Variants in FAAH2 observed in about 807,000 individuals in gnomAD.
FAAH2 encodes the protein fatty acid amide hydrolase 2, also known as fatty-acid amide hydrolase 2.
Under a neutral mutation model 36.9 loss-of-function variants are expected in FAAH2, and 60 were observed. That is an observed-to-expected ratio of 1.63 (90% confidence interval 1.32 to 2.02). The LOEUF (loss-of-function observed/expected upper bound fraction) is 2.02. FAAH2 is among the 30% of genes most tolerant of loss of function. FAAH2 has a pLI of 0.00. For missense variants in FAAH2, 689 were observed against 397.5 expected (o/e 1.73, Z -6.23); for synonymous variants, 214 against 143.8 (o/e 1.49, Z -3.49).
At chrX:57,349,497 A>G (rs1304077996) in intron 5 of FAAH2, among the ~76,000 whole-genome samples, 4 of 102,438 alleles carry the variant, frequency 3.9e-5, no homozygotes, top group Non-Finnish European at 7.8e-5. Context: ...ATACACATAT[A>G]TACATATATA....
chrX:57,228,718 G>A, the FAAH2 span, among the ~76,000 whole-genome samples: 1 of 111,516 alleles, frequency 9.0e-6, no homozygotes, highest in African/African-American at 3.3e-5. Flanking sequence ...ATCAAACCAG[G>A]TTCGTCCAGC....
At chrX:57,282,377 G>C (rs762109377), upstream of FAAH2, among the ~76,000 whole-genome samples, 4 of 112,045 alleles carry the variant, frequency 3.6e-5, no homozygotes, top group South Asian at 1.5e-3. Context: ...CTTTTCAGAA[G>C]TGTCTGTTTA....
At chrX:57,337,556 C>A (rs932978026) in intron 4 of FAAH2, among the ~76,000 whole-genome samples, 2 of 111,846 alleles carry the variant, frequency 1.8e-5, no homozygotes, top group African/African-American at 6.5e-5. Context: ...AGCTTATACA[C>A]CATGAACAAA....
intron 5 of FAAH2, among the ~76,000 whole-genome samples, chrX:57,367,774 A>G (rs1317082912): frequency 8.9e-6 from 1 of 112,047 alleles, no homozygotes; most frequent in Non-Finnish European, 1.9e-5. Flanking sequence ...GCCCCTCTTA[A>G]GATCATGGAT....
At chrX:57,224,630 C>G in the FAAH2 span, among the ~76,000 whole-genome samples, 6 of 112,166 alleles carry the variant, frequency 5.3e-5, no homozygotes, top group Admixed American at 2.8e-4. Context: ...ACACGTACCC[C>G]TGAAGATCAA....
At chrX:57,131,565 A>G in the FAAH2 span, among the ~76,000 whole-genome samples, 1 of 111,784 alleles carries the variant, frequency 8.9e-6, no homozygotes, top group South Asian at 3.8e-4. Context: ...TATTAAATAC[A>G]AAGGGGATAT....
the FAAH2 span, among the ~76,000 whole-genome samples, chrX:57,204,665 C>T: frequency 8.9e-6 from 1 of 112,437 alleles, no homozygotes; most frequent in Non-Finnish European, 1.9e-5. Context: ...ACCAGTAGTT[C>T]TGCTTCTTTC....
chrX:57,195,290 A>G, the FAAH2 span, among the ~76,000 whole-genome samples: 2 of 111,491 alleles, frequency 1.8e-5, no homozygotes, highest in African/African-American at 6.5e-5. Context: ...TTAAATTTTT[A>G]AATTATCGCC....
intron 10 of FAAH2, among the ~76,000 whole-genome samples, chrX:57,478,971 G>T (rs936896056): frequency 9.0e-6 from 1 of 111,463 alleles, no homozygotes; most frequent in Non-Finnish European, 1.9e-5. Flanking sequence ...GGCAATGTGG[G>T]CTCTTTTTTG....
At chrX:57,488,606 A>G in intron 10 of FAAH2, 151 bp from the exon 11 acceptor site, 1 of 515,505 alleles carries the variant, frequency 1.9e-6, no homozygotes, top group Non-Finnish European at 3.0e-6. Flanking sequence ...AATATTTAAT[A>G]CAGATAAAGT....
At chrX:57,262,206 TAA>T in the FAAH2 span, among the ~76,000 whole-genome samples, 5 of 111,469 alleles carry the variant, frequency 4.5e-5, no homozygotes, top group Non-Finnish European at 9.4e-5. Flanking sequence ...AGGACCTGAG[TAA>T]TGACACATTG....
intron 7 of FAAH2, among the ~76,000 whole-genome samples, chrX:57,386,969 A>T (rs1384637498): frequency 7.1e-5 from 8 of 112,172 alleles, no homozygotes; most frequent in Non-Finnish European, 1.5e-4. Flanking sequence ...TAGGAGTTTC[A>T]TTTCATATTG....
the FAAH2 span, among the ~76,000 whole-genome samples, chrX:57,174,908 G>T: frequency 4.5e-5 from 5 of 111,669 alleles, no homozygotes; most frequent in African/African-American, 1.6e-4. Context: ...TGTTGGAATT[G>T]ATTTCTGCTT....
At chrX:57,301,176 A>G (rs1402406394) in intron 2 of FAAH2, among the ~76,000 whole-genome samples, 10 of 109,381 alleles carry the variant, frequency 9.1e-5, no homozygotes, top group Admixed American at 3.0e-4. Context: ...TGTTTATTGC[A>G]GCACTATTCA....
chrX:57,480,229 A>T (rs781670818), intron 10 of FAAH2, among the ~76,000 whole-genome samples: 1 of 112,011 alleles, frequency 8.9e-6, no homozygotes, highest in African/African-American at 3.2e-5. Context: ...TCCTATCAAT[A>T]GAAAAAGAGA....
intron 7 of FAAH2, among the ~76,000 whole-genome samples, chrX:57,424,444 C>A (rs927889566): frequency 2.7e-5 from 3 of 111,787 alleles, no homozygotes; most frequent in Non-Finnish European, 5.6e-5. Flanking sequence ...AACTAAGCAA[C>A]CCAATATAAA....
At chrX:57,327,841 G>A (rs1018135317) in intron 3 of FAAH2, among the ~76,000 whole-genome samples, 1 of 111,657 alleles carries the variant, frequency 9.0e-6, no homozygotes, top group Non-Finnish European at 1.9e-5. Flanking sequence ...CTCTGAACTC[G>A]TGAAAGTCAT....
At position 57,448,600 on chromosome X, in the gene FAAH2, G is replaced by T; in HGVS notation, c.1305G>T (p.Leu435=). The part of the protein sequence containing the change: ...YQKFKAVEES[L]RKELVDMLGD... ...AGTTTAAGGCAGTGGAAGAAAGCCTGCGTAAAGAGCTGGTGGATATGCTAG... is the reference window on the plus strand; with the variant it reads ...AGTTTAAGGCAGTGGAAGAAAGCCTTCGTAAAGAGCTGGTGGATATGCTAG... The change falls in exon 10 of 11, where the codon CTG becomes CTT. Residue 435 remains leucine (L), a synonymous_variant. Coordinates refer to ENST00000374900, the MANE Select transcript of FAAH2 (RefSeq NM_174912.4). 8.3e-7 allele frequency: 1 copy of T among 1,211,524 alleles called. No homozygotes were observed. The highest frequency in any genetic ancestry group is 1.1e-6 in the Non-Finnish European group (1 of 895,374).
intron 2 of FAAH2, among the ~76,000 whole-genome samples, chrX:57,296,203 A>G (rs775901160): frequency 6.0e-4 from 67 of 111,972 alleles, no homozygotes; most frequent in African/African-American, 2.1e-3. Flanking sequence ...GGCACCCCTC[A>G]GTAGGGCCAG....
Sources: allele counts gnomAD v4.1 joint callset (sites outside exome capture counted in the v4.1 genomes callset), GRCh38; gene constraint gnomAD v4.1.1; transcripts MANE v1.5; gene names NCBI Gene and HGNC (gene_info 2026-07-23, HGNC 2026-07-21).